MINAR1: variants seen among roughly 807,000 people sequenced by gnomAD.
The protein encoded by MINAR1 is membrane integral NOTCH2 associated receptor 1.
In MINAR1, 40 loss-of-function variants were observed where a neutral mutation model predicts 65.1. That is an observed-to-expected ratio of 0.61 (90% confidence interval 0.48 to 0.80). The LOEUF is 0.80. Ranked by LOEUF, MINAR1 falls within the 30% of genes least tolerant of loss-of-function variation. The pLI is 0.00. For synonymous variants in MINAR1, 482 were observed against 449.1 expected (o/e 1.07, Z -0.93); for missense variants, 1,128 against 1,148.0 (o/e 0.98, Z 0.25).
upstream of MINAR1, among the ~76,000 whole-genome samples, chr15:79,428,276 C>T (rs189001616): frequency 5.4e-3 from 641 of 119,224 alleles, 45 homozygotes; most frequent in East Asian, 0.079. Context: ...TTTCTTCTCC[C>T]TCTCTCCCTC....
intron 2 of MINAR1, 124 bp downstream of exon 2, chr15:79,458,569 C>A: frequency 8.3e-7 from 1 of 1,204,860 alleles, no homozygotes; most frequent in South Asian, 1.6e-5. Flanking sequence ...GTCATCCTTC[C>A]AGGTTTGGCA....
At chr15:79,463,799 G>A in intron 3 of MINAR1, 1 of 452,834 alleles carries the variant, frequency 2.2e-6, no homozygotes, top group Middle Eastern at 3.3e-4. Context: ...ATGCAGTTGT[G>A]GCTGGAGGGC....
At chr15:79,453,206 CA>C (rs1895296128) in intron 1 of MINAR1, among the ~76,000 whole-genome samples, 1 of 152,084 alleles carries the variant, frequency 6.6e-6, no homozygotes, top group South Asian at 2.1e-4. Context: ...GGCCTCAGCA[CA>C]TAGTAGGTGG....
Position 79,456,305 on chromosome 15 carries a change from C to T in MINAR1, c.158C>T (p.Thr53Ile). The T allele has an allele frequency of 6.2e-7, 1 of 1,614,214 alleles. No individual in the cohort carries two copies. Among genetic ancestry groups the T allele is most frequent in the South Asian group, 1.1e-5 (1 of 91,078 alleles). Residue 53 changes from threonine to isoleucine, a missense_variant, in exon 2 of 4, where the codon ACA (threonine) becomes ATA (isoleucine). Thr to Ile is a moderately conservative substitution (Grantham distance 89). Transcript: ENST00000305428. The part of the protein sequence containing the change: ...LAKLRSVLFY[T>I]ACLDPNFPAT... ...AAACTGAGAAGTGTGCTCTTCTACA[C>T]AGCTTGTCTCGATCCCAATTTTCCA...
In MINAR1 at chr15:79,456,570, G is replaced by T; in HGVS notation, c.423G>T (p.Leu141=). The T allele has an allele frequency of 6.2e-7, 1 of 1,614,176 alleles. No homozygotes were observed. Residue 141 remains leucine (L), a synonymous_variant, in exon 2 of 4, where the codon CTG becomes CTT. Transcript: ENST00000305428. ...AGTGTGAGCCCCTGAACTGTGAGCT[G>T]AGTGAGAGGTCTTTCAGCCGGGGCT... is the stretch of plus-strand genomic sequence containing the variant. ...AAECEPLNCE[L]SERSFSRGYP...
the MINAR1 span, chr15:79,427,279 G>A: frequency 6.6e-6 from 1 of 152,176 alleles, no homozygotes; most frequent in Admixed American, 6.5e-5. Context: ...GGTGGAGGAT[G>A]GGAGGAGGTA....
chr15:79,432,414 G>A lies in MINAR1; in HGVS notation c.-177G>A, dbSNP rs1186928668. ...CCTGGGCGCGGAATCCGGGCTGCCGGGTGACAGTGACCAGCTGACTCTGGA... is the reference window on the plus strand; with the variant it reads ...CCTGGGCGCGGAATCCGGGCTGCCGAGTGACAGTGACCAGCTGACTCTGGA... On this transcript the variant is annotated 5_prime_UTR_variant, in exon 1 of 4. Coordinates refer to ENST00000305428, the MANE Select transcript of MINAR1 (RefSeq NM_015206.3). 1.3e-5 allele frequency: 2 copies of A among 152,354 alleles called. No homozygotes were observed. Among genetic ancestry groups the A allele is most frequent in the Non-Finnish European group, 1.5e-5 (1 of 68,170 alleles). 9.4% of individuals were successfully genotyped at this position (152,354 alleles called of 1,614,324 possible). A position where few individuals can be genotyped will look rare whatever the true frequency, so the allele number is the denominator to read the frequency against.
intron 2 of MINAR1, among the ~76,000 whole-genome samples, chr15:79,459,840 T>C (rs965686717): frequency 1.1e-4 from 16 of 152,156 alleles, no homozygotes; most frequent in Admixed American, 8.5e-4. Flanking sequence ...GAGTTTGATA[T>C]ATGCTGCCAT....
intron 1 of MINAR1, among the ~76,000 whole-genome samples, chr15:79,445,551 T>TTA (rs944389285): frequency 0.055 from 209 of 3,798 alleles, no homozygotes; most frequent in African/African-American, 0.22. Context: ...GTGACAGTTA[T>TTA]TTTTTTTTTT....
At chr15:79,420,766 G>C in the MINAR1 span, 2 of 152,262 alleles carry the variant, frequency 1.3e-5, no homozygotes, top group East Asian at 3.8e-4. Flanking sequence ...GGCCTACAGG[G>C]TGTGGTCACT....
chr15:79,446,596 T>A (rs1367859068), intron 1 of MINAR1, among the ~76,000 whole-genome samples: 1 of 152,142 alleles, frequency 6.6e-6, no homozygotes, highest in African/African-American at 2.4e-5. Flanking sequence ...TAATTCAATT[T>A]TTTAGGCAAG....
chr15:79,451,532 C>T (rs1022054829), intron 1 of MINAR1, among the ~76,000 whole-genome samples: 3 of 152,164 alleles, frequency 2.0e-5, no homozygotes, highest in African/African-American at 7.2e-5. Flanking sequence ...GAGGCCTGGG[C>T]TACGGTGTTG....
At chr15:79,453,608 G>A (rs7165922) in intron 1 of MINAR1, among the ~76,000 whole-genome samples, 2 of 152,042 alleles carry the variant, frequency 1.3e-5, no homozygotes, top group East Asian at 1.9e-4. Flanking sequence ...TCTGGTTCTC[G>A]TTGGTGCATT....
chr15:79,427,373 TA>T (rs1388561595), upstream of MINAR1: 2 of 152,180 alleles, frequency 1.3e-5, no homozygotes, highest in Non-Finnish European at 2.9e-5. Context: ...GACACGAGTT[TA>T]CCTATATAAC....
In MINAR1 at chr15:79,468,312, T is replaced by C. The variant is rs769663568; in HGVS notation, c.2679T>C (p.Ala893=). 2 of 1,614,128 alleles carry C rather than the reference T, an allele frequency of 1.2e-6. No homozygotes were observed. The highest frequency in any genetic ancestry group is 1.6e-4 in the Middle Eastern group (1 of 6,062). Residue 893 remains alanine, a synonymous_variant, in exon 4 of 4, where the codon GCT becomes GCC. Transcript: ENST00000305428. Reference sequence around the variant, plus strand: ...GACGAGCCAAGGTCTGCAAGATAGCTGCTCTGATCGCTGCTGCGGCATGCA... The same window carrying C: ...GACGAGCCAAGGTCTGCAAGATAGCCGCTCTGATCGCTGCTGCGGCATGCA... ...EFRRAKVCKI[A]ALIAAAACTV...
chr15:79,466,401 A>C (rs112551635), intron 3 of MINAR1, among the ~76,000 whole-genome samples: 2,262 of 152,332 alleles, frequency 0.015, 26 homozygotes, highest in Non-Finnish European at 0.024. Context: ...CTGCCATTGT[A>C]GTGTGAAAGC....
In MINAR1 at chr15:79,457,767, C is replaced by T. The variant is rs377400430; in HGVS notation, c.1620C>T (p.Ser540=). The change falls in exon 2 of 4, where the codon TCC becomes TCT. Residue 540 remains serine, a synonymous_variant. Coordinates refer to ENST00000305428, the MANE Select transcript of MINAR1 (RefSeq NM_015206.3). ...ISGSTGVIQS[S]CYNSTGSLSQ... ...GCTCCACGGGAGTGATACAGTCGTC[C>T]TGCTACAACAGCACAGGATCCTTGT... The T allele has an allele frequency of 6.2e-7, 1 of 1,614,186 alleles. No homozygotes were observed.
intron 1 of MINAR1, among the ~76,000 whole-genome samples, chr15:79,434,980 A>G (rs564371588): frequency 1.4e-3 from 219 of 152,328 alleles, no homozygotes; most frequent in African/African-American, 5.0e-3. Flanking sequence ...TAAATCTTTT[A>G]TAAAAGGTAA....
chr15:79,416,371 C>T, the MINAR1 span: 3 of 152,222 alleles, frequency 2.0e-5, no homozygotes, highest in Admixed American at 6.5e-5. Context: ...TGTTTGTGAT[C>T]GAACAGATTT....
Sources: allele counts gnomAD v4.1 joint callset (sites outside exome capture counted in the v4.1 genomes callset), GRCh38; gene constraint gnomAD v4.1.1; transcripts MANE v1.5; gene names NCBI Gene and HGNC (gene_info 2026-07-23, HGNC 2026-07-21).